GPHN: variants seen among roughly 807,000 people sequenced by gnomAD.
GPHN encodes gephyrin.
GPHN carries 17 observed loss-of-function variants against 95.5 expected under a neutral mutation model. The ratio of observed to expected loss-of-function variants is 0.18; its 90% CI spans 0.12 to 0.27. The LOEUF is 0.27. Ranked by LOEUF, GPHN falls within the 10% of genes least tolerant of loss-of-function variation. The pLI is 1.00. For missense variants in GPHN, 660 were observed against 978.1 expected (o/e 0.67, Z 4.34); for synonymous variants, 320 against 322.5 (o/e 0.99, Z 0.08).
At chr14:66,683,089 A>G (rs1266306812) in intron 2 of GPHN, among the ~76,000 whole-genome samples, 1 of 151,548 alleles carries the variant, frequency 6.6e-6, no homozygotes, top group Non-Finnish European at 1.5e-5. Flanking sequence ...ACAGCCGGAA[A>G]TATCTTAATA....
chr14:67,583,462 C>T, the GPHN span, among the ~76,000 whole-genome samples: 1 of 152,174 alleles, frequency 6.6e-6, no homozygotes, highest in African/African-American at 2.4e-5. Flanking sequence ...CATTGTTTTC[C>T]CTTGTCGGCT....
the GPHN span, among the ~76,000 whole-genome samples, chr14:67,239,936 G>A: frequency 1.3e-5 from 2 of 152,160 alleles, no homozygotes; most frequent in African/African-American, 4.8e-5. Flanking sequence ...GGTATGGCTA[G>A]TAGTTTCTAG....
At chr14:66,883,032 T>G (rs931830591) in intron 5 of GPHN, among the ~76,000 whole-genome samples, 7 of 151,838 alleles carry the variant, frequency 4.6e-5, no homozygotes, top group African/African-American at 1.7e-4. Flanking sequence ...TTATGATGTA[T>G]CTGGGTGTAG....
intron 17 of GPHN, among the ~76,000 whole-genome samples, chr14:67,126,827 C>G (rs568745186): frequency 6.6e-6 from 1 of 151,528 alleles, no homozygotes; most frequent in South Asian, 2.1e-4. Flanking sequence ...TTCACAATAG[C>G]AAAGACTTGG....
the GPHN span, among the ~76,000 whole-genome samples, chr14:67,314,632 C>T: frequency 1.6e-4 from 24 of 152,226 alleles, no homozygotes; most frequent in Admixed American, 6.5e-4. Context: ...CCTACCATGC[C>T]GAACTTTAGC....
chr14:67,057,662 C>G (rs935640616), intron 10 of GPHN, among the ~76,000 whole-genome samples: 17 of 152,086 alleles, frequency 1.1e-4, no homozygotes, highest in African/African-American at 4.1e-4. Context: ...TTTTCTTTCT[C>G]CTTCTTTTCT....
intron 18 of GPHN, among the ~76,000 whole-genome samples, chr14:67,152,834 G>C (rs987878713): frequency 6.6e-6 from 1 of 152,038 alleles, no homozygotes; most frequent in Non-Finnish European, 1.5e-5. Context: ...GTGTGGTGGT[G>C]CATGCCTGTC....
chr14:67,367,697 C>T, the GPHN span, among the ~76,000 whole-genome samples: 10 of 145,660 alleles, frequency 6.9e-5, no homozygotes, highest in Admixed American at 2.1e-4. Flanking sequence ...ATTAGCTGGG[C>T]GTGGTGGTGC....
the GPHN span, among the ~76,000 whole-genome samples, chr14:67,539,665 T>C: frequency 5.3e-5 from 8 of 152,320 alleles, no homozygotes; most frequent in African/African-American, 1.9e-4. Context: ...TTTGTGAAAT[T>C]GAAATTCTTT....
At chr14:67,167,952 G>A (rs1244399719) in intron 20 of GPHN, among the ~76,000 whole-genome samples, 2 of 152,128 alleles carry the variant, frequency 1.3e-5, no homozygotes, top group East Asian at 1.9e-4. Context: ...TGAAGTGTAC[G>A]ACACACCTAG....
chr14:67,409,585 C>T, the GPHN span, among the ~76,000 whole-genome samples: 3 of 152,172 alleles, frequency 2.0e-5, no homozygotes, highest in Non-Finnish European at 2.9e-5. Flanking sequence ...GGCTCATCCC[C>T]CACTTCCCTC....
chr14:67,222,376 C>G, the GPHN span, among the ~76,000 whole-genome samples: 1 of 152,144 alleles, frequency 6.6e-6, no homozygotes, highest in Non-Finnish European at 1.5e-5. Flanking sequence ...TGCAACCTCT[C>G]TGCCTTTTGA....
chr14:67,499,178 T>C, the GPHN span, among the ~76,000 whole-genome samples: 1 of 151,830 alleles, frequency 6.6e-6, no homozygotes, highest in Non-Finnish European at 1.5e-5. Context: ...AATTTCTTAA[T>C]TTTTTTGTAG....
At chr14:67,325,559 A>G in the GPHN span, among the ~76,000 whole-genome samples, 4 of 151,018 alleles carry the variant, frequency 2.6e-5, no homozygotes, top group East Asian at 1.9e-4. Flanking sequence ...CAATATAACA[A>G]GAGAAACGAG....
the GPHN span, chr14:67,651,649 A>G: frequency 1.7e-6 from 1 of 600,596 alleles, no homozygotes; most frequent in Non-Finnish European, 2.8e-6. Context: ...TCACTTAGGG[A>G]TAACACTGTC....
chr14:67,043,770 T>G (rs1160766241), intron 10 of GPHN, among the ~76,000 whole-genome samples: 1 of 152,202 alleles, frequency 6.6e-6, no homozygotes, highest in Non-Finnish European at 1.5e-5. Flanking sequence ...CCTCTTTTTC[T>G]ATTGTTTAGA....
the GPHN span, chr14:67,585,287 G>A: frequency 2.8e-6 from 1 of 351,924 alleles, no homozygotes; most frequent in Non-Finnish European, 5.2e-6. Context: ...CATCCAGTGT[G>A]CTGTGGCAGC....
chr14:67,593,432 A>C, the GPHN span: 1 of 309,048 alleles, frequency 3.2e-6, no homozygotes, highest in Non-Finnish European at 6.1e-6. Context: ...TTGAGGCTGC[A>C]GTGAGCTGTG....
chr14:66,941,932 A>G (rs1452450236), intron 8 of GPHN, among the ~76,000 whole-genome samples: 1 of 152,204 alleles, frequency 6.6e-6, no homozygotes, highest in Non-Finnish European at 1.5e-5. Context: ...TAAAACAAGG[A>G]TCAGCAATAT....
Sources: gnomAD v4.1 joint callset for allele counts (sites outside exome capture counted in the v4.1 genomes callset) on GRCh38, gnomAD v4.1.1 for gene constraint, MANE v1.5 for transcripts, NCBI Gene and HGNC (gene_info 2026-07-23, HGNC 2026-07-21) for gene names.